Variants in LRP1B observed in about 807,000 individuals in gnomAD.
LRP1B encodes LDL receptor related protein 1B.
LRP1B carries 217 observed loss-of-function variants against 556.6 expected under a neutral mutation model. That is an observed-to-expected ratio of 0.39 (90% CI 0.35 to 0.44). The LOEUF (loss-of-function observed/expected upper bound fraction) is 0.44, where lower values mean the gene tolerates loss of function less well. Ranked by LOEUF, LRP1B falls within the 20% of genes least tolerant of loss-of-function variation. The pLI, the probability that LRP1B is intolerant of heterozygous loss-of-function variation, is 1.00. For missense variants in LRP1B, 5,053 were observed against 5,620.8 expected (o/e 0.90, Z 3.23); for synonymous variants, 2,047 against 1,865.8 (o/e 1.10, Z -2.50).
At chr2:140,969,580 T>A (rs1202045545) in intron 18 of LRP1B, among the ~76,000 whole-genome samples, 1 of 152,208 alleles carries the variant, frequency 6.6e-6, no homozygotes, top group African/African-American at 2.4e-5. Context: ...CGTTAGCTGG[T>A]TAATTTGCTC....
intron 66 of LRP1B, 27 bp downstream of exon 66, chr2:140,442,477 A>G (rs1056337668): frequency 1.2e-6 from 2 of 1,601,356 alleles, no homozygotes; most frequent in Non-Finnish European, 1.7e-6. Flanking sequence ...ATACGGAGAG[A>G]TAAGACCCAG....
chr2:142,016,327 G>T (rs1703128896), intron 1 of LRP1B, among the ~76,000 whole-genome samples: 1 of 152,004 alleles, frequency 6.6e-6, no homozygotes, highest in Admixed American at 6.6e-5. Context: ...CCCATTACTG[G>T]GTATGAAACT....
chr2:142,065,122 A>G (rs1705063102), intron 1 of LRP1B, among the ~76,000 whole-genome samples: 1 of 151,584 alleles, frequency 6.6e-6, no homozygotes. Flanking sequence ...CTTTCATTAT[A>G]TAACTATCCC....
At chr2:140,391,490 A>C (rs1018540415) in intron 66 of LRP1B, among the ~76,000 whole-genome samples, 7 of 135,494 alleles carry the variant, frequency 5.2e-5, no homozygotes, top group Non-Finnish European at 8.7e-5. Flanking sequence ...GAAACTCATC[A>C]AACGGAATAA....
At chr2:140,630,042 A>G (rs1683823073) in intron 41 of LRP1B, among the ~76,000 whole-genome samples, 1 of 152,202 alleles carries the variant, frequency 6.6e-6, no homozygotes, top group Admixed American at 6.5e-5. Context: ...GGCTCATGAA[A>G]AGAACTCAAA....
At chr2:141,262,762 A>G (rs1684744644) in intron 3 of LRP1B, among the ~76,000 whole-genome samples, 1 of 152,050 alleles carries the variant, frequency 6.6e-6, no homozygotes, top group Admixed American at 6.6e-5. Context: ...TGTTTCGTTA[A>G]TCTGTATGTC....
At chr2:140,687,065 T>A (rs1303689843) in intron 41 of LRP1B, among the ~76,000 whole-genome samples, 2 of 152,074 alleles carry the variant, frequency 1.3e-5, no homozygotes, top group Non-Finnish European at 1.5e-5. Flanking sequence ...TGTAAACAGA[T>A]TTTGCTCAAA....
intron 35 of LRP1B, among the ~76,000 whole-genome samples, chr2:140,756,828 T>A (rs1214092287): frequency 2.0e-5 from 3 of 152,068 alleles, no homozygotes; most frequent in Admixed American, 1.3e-4. Flanking sequence ...TTATACTTCA[T>A]CAAAATTTAA....
rs75757816 is a variant in LRP1B at position 140,735,643 on chromosome 2, G to A, written c.5759-18827C>T. Among the ~76,000 whole-genome samples, 26 of 152,276 alleles carry A rather than the reference G, an allele frequency of 1.7e-4. No individual in the cohort carries two copies. In the East Asian group the frequency reaches 4.9e-3, roughly 28 times the overall value. On this transcript the variant is annotated intron_variant, in intron 35 of 90. Coordinates refer to ENST00000389484, the MANE Select transcript of LRP1B (RefSeq NM_018557.3). ...AATACCCCTTGGACTCGCAGAGTTT[G>A]CAGAGATGGCCCAGTCTTCCCTATG...
intron 7 of LRP1B, among the ~76,000 whole-genome samples, chr2:141,081,680 A>G (rs1198254735): frequency 7.4e-6 from 1 of 135,370 alleles, no homozygotes; most frequent in East Asian, 2.2e-4. Flanking sequence ...ATATTAAATT[A>G]GCCAATAAAC....
chr2:140,679,980 C>T lies in LRP1B; in HGVS notation c.6799+20270G>A, dbSNP rs149376249. The stretch of plus-strand genomic sequence containing the variant: ...CTTATTTATTTATTTATTTTTTGAT[C>T]ATCAGCTATCGTTAGTGTTAGTAAA... On this transcript the variant is annotated intron_variant, in intron 41 of 90. Coordinates refer to ENST00000389484, the MANE Select transcript of LRP1B (RefSeq NM_018557.3). Among the ~76,000 whole-genome samples the T allele has an allele frequency of 2.0e-3, 303 of 151,370 alleles. 3 individuals carry two copies. Among genetic ancestry groups the T allele is most frequent in the African/African-American group, 7.0e-3 (291 of 41,308 alleles).
At chr2:140,497,508 A>T (rs969679122) in intron 55 of LRP1B, among the ~76,000 whole-genome samples, 1 of 151,910 alleles carries the variant, frequency 6.6e-6, no homozygotes, top group Admixed American at 6.6e-5. Flanking sequence ...ATTTTGTTAA[A>T]ATAAATATTT....
chr2:141,034,549 T>C (rs1011412551), intron 11 of LRP1B, among the ~76,000 whole-genome samples: 2 of 151,980 alleles, frequency 1.3e-5, no homozygotes, highest in Non-Finnish European at 2.9e-5. Context: ...GGGCGAAGGA[T>C]ATGAACAGAC....
At chr2:141,616,726 G>A (rs911704829) in intron 2 of LRP1B, among the ~76,000 whole-genome samples, 3 of 152,198 alleles carry the variant, frequency 2.0e-5, no homozygotes, top group Non-Finnish European at 2.9e-5. Flanking sequence ...GCACACAAAA[G>A]ATTTCAAACA....
rs2105327458 is a variant in LRP1B at position 141,247,292 on chromosome 2, A to G, written c.526T>C (p.Tyr176His). Residue 176 changes from tyrosine (Y) to histidine (H), a missense_variant, in exon 5 of 91, where the codon TAC (tyrosine) becomes CAC (histidine). Coordinates refer to ENST00000389484, the MANE Select transcript of LRP1B (RefSeq NM_018557.3). The part of the protein sequence containing the change: ...SQTCRNTHGS[Y>H]TCSCVEGYLM... The stretch of plus-strand genomic sequence containing the variant: ...TAGCCTTCCACACAACTGCAAGTGT[A>G]GGATCCATGTGTGTTTCTGCAGGTC... The G allele has an allele frequency of 6.2e-7, 1 of 1,613,856 alleles. No homozygotes were observed. Among genetic ancestry groups the G allele is most frequent in the Non-Finnish European group, 8.5e-7 (1 of 1,179,792 alleles).
chr2:140,358,760 C>T (rs2105137330), intron 73 of LRP1B, 61 bp downstream of exon 73: 3 of 1,565,142 alleles, frequency 1.9e-6, no homozygotes, highest in Non-Finnish European at 2.6e-6. Context: ...AATGTTTGTA[C>T]TCCAAGTCAT....
intron 66 of LRP1B, among the ~76,000 whole-genome samples, chr2:140,397,371 C>G: frequency 6.6e-6 from 1 of 152,086 alleles, no homozygotes; most frequent in Non-Finnish European, 1.5e-5. Flanking sequence ...CCAACAGGCT[C>G]CAGTGTGTGT....
chr2:141,162,390 A>G (rs1412838950), intron 7 of LRP1B, among the ~76,000 whole-genome samples: 1 of 152,038 alleles, frequency 6.6e-6, no homozygotes, highest in African/African-American at 2.4e-5. Flanking sequence ...TTTGTCTTTT[A>G]GAACAGTCCC....
intron 31 of LRP1B, among the ~76,000 whole-genome samples, chr2:140,839,146 C>T (rs1692015641): frequency 6.6e-6 from 1 of 152,146 alleles, no homozygotes; most frequent in Non-Finnish European, 1.5e-5. Context: ...TATACTGCCA[C>T]TGTAGCATTG....
Sources: allele counts gnomAD v4.1 joint callset (sites outside exome capture counted in the v4.1 genomes callset), GRCh38; gene constraint gnomAD v4.1.1; transcripts MANE v1.5; gene names NCBI Gene and HGNC (gene_info 2026-07-23, HGNC 2026-07-21).